The following NIPBL variants were observed in gnomAD, a reference collection of about 807,000 sequenced individuals.
NIPBL encodes the protein NIPBL cohesin loading factor, also known as nipped-B-like protein.
A neutral mutation model predicts 321.8 loss-of-function variants in NIPBL; 19 were observed. That is an observed-to-expected ratio of 0.06 (90% confidence interval 0.04 to 0.09). The LOEUF (loss-of-function observed/expected upper bound fraction) is 0.09. Among genes scored for constraint, NIPBL ranks in the 10% least tolerant of loss-of-function variants. The pLI is 1.00. For synonymous variants in NIPBL, 1,106 were observed against 1,114.1 expected (o/e 0.99, Z 0.14); for missense variants, 2,210 against 3,327.0 (o/e 0.66, Z 8.26).
At chr5:36,966,614 C>A (rs1742238132) in intron 6 of NIPBL, among the ~76,000 whole-genome samples, 1 of 151,982 alleles carries the variant, frequency 6.6e-6, no homozygotes, top group Non-Finnish European at 1.5e-5. Context: ...TCCCATTAAT[C>A]TTTTACTTAA....
At chr5:37,048,798 C>G in intron 39 of NIPBL, 123 bp downstream of exon 39, 1 of 831,200 alleles carries the variant, frequency 1.2e-6, no homozygotes, top group Middle Eastern at 3.6e-4. Context: ...AAATAGCAGT[C>G]CTTATGCTGA....
chr5:37,001,105 A>T, intron 14 of NIPBL, 27 bp downstream of exon 14: 2 of 1,423,620 alleles, frequency 1.4e-6, no homozygotes, highest in Non-Finnish European at 2.0e-6. Flanking sequence ...ATACATTTAC[A>T]CATACTCTAA....
At chr5:37,033,732 T>TATATATATCTATA (rs1751384242) in intron 32 of NIPBL, among the ~76,000 whole-genome samples, 1 of 76,932 alleles carries the variant, frequency 1.3e-5, no homozygotes, top group African/African-American at 6.5e-5. Flanking sequence ...ATATATATAT[T>TATATATATCTATA]TTTTTTTTTT....
chr5:37,000,784 C>G, intron 12 of NIPBL, 33 bp from the exon 13 acceptor site: 2 of 1,543,422 alleles, frequency 1.3e-6, no homozygotes, highest in Non-Finnish European at 1.8e-6. Flanking sequence ...GTTGTCAGTC[C>G]TGCATTTCAG....
intron 19 of NIPBL, among the ~76,000 whole-genome samples, 194 bp from the exon 20 acceptor site, chr5:37,008,429 T>C (rs1027426784): frequency 6.6e-6 from 1 of 152,146 alleles, no homozygotes; most frequent in African/African-American, 2.4e-5. Context: ...TTCATAGTCC[T>C]TTAAATGAAA....
rs911655497 is a variant in NIPBL at position 36,877,102 on chromosome 5, C to G, written c.-156C>G. The stretch of plus-strand genomic sequence containing the variant: ...GACGGAAGAGGAGCCGTAGCCACCC[C>G]CCCTCCCGGCCCGGATTATAGTCTC... On this transcript the variant is annotated 5_prime_UTR_variant, in exon 1 of 47. Coordinates refer to ENST00000282516, the MANE Select transcript of NIPBL (RefSeq NM_133433.4). 1.1e-5 allele frequency: 4 copies of G among 352,458 alleles called. No homozygotes were observed. Among genetic ancestry groups the G allele is most frequent in the South Asian group, 1.5e-4 (1 of 6,676 alleles). The allele number at this position is 352,458 out of a possible 1,614,324, so 21.8% of individuals were successfully genotyped here.
intron 6 of NIPBL, among the ~76,000 whole-genome samples, chr5:36,967,892 G>A (rs2149614905): frequency 6.6e-6 from 1 of 152,070 alleles, no homozygotes; most frequent in South Asian, 2.1e-4. Flanking sequence ...TTGAAGCTTA[G>A]GAACTCAAGA....
intron 1 of NIPBL, among the ~76,000 whole-genome samples, chr5:36,913,070 G>A (rs1457218514): frequency 1.3e-5 from 2 of 152,122 alleles, no homozygotes; most frequent in South Asian, 2.1e-4. Context: ...TAAAAGAGAC[G>A]TGATAACCAA....
chr5:37,017,805 C>T lies in NIPBL; in HGVS notation c.4920+643C>T, dbSNP rs115156710. ...GCTATAGTTCGTGTTTTGAAATAAT[C>T]TCAACCTTAGAGAAAAATTGTAGGA... is the stretch of plus-strand genomic sequence containing the variant. On this transcript the variant is annotated intron_variant, in intron 24 of 46. Coordinates refer to ENST00000282516, the MANE Select transcript of NIPBL (RefSeq NM_133433.4). 8.2e-3 allele frequency among the ~76,000 whole-genome samples: 1,240 copies of T among 151,892 alleles called. 12 individuals carry two copies. Among genetic ancestry groups the T allele is most frequent in the African/African-American group, 0.028 (1,178 of 41,434 alleles).
At chr5:36,882,561 C>T (rs943232076) in intron 1 of NIPBL, among the ~76,000 whole-genome samples, 2 of 151,898 alleles carry the variant, frequency 1.3e-5, no homozygotes, top group Non-Finnish European at 2.9e-5. Context: ...ATTTGAACCA[C>T]CCAACTACTC....
intron 40 of NIPBL, 61 bp downstream of exon 40, chr5:37,049,362 C>T: frequency 6.6e-7 from 1 of 1,523,788 alleles, no homozygotes; most frequent in Non-Finnish European, 9.1e-7. Context: ...TAATTTGATA[C>T]ATTGTGATTA....
rs1755299330 is a variant in NIPBL, at chr5:37,065,703, A to G, written c.*811A>G. 1.3e-5 allele frequency: 2 copies of G among 152,620 alleles called. No individual in the cohort carries two copies. The highest frequency in any genetic ancestry group is 2.9e-5 in the Non-Finnish European group (2 of 68,018). The allele number at this position is 152,620 out of a possible 1,614,324, so 9.5% of individuals were successfully genotyped here. On this transcript the variant is annotated 3_prime_UTR_variant, in exon 47 of 47. Coordinates refer to ENST00000282516, the MANE Select transcript of NIPBL (RefSeq NM_133433.4). ...TCATTCCCATAAGAGGGTGTAAACAATTAACTCCAGGGTTTTATTGTATCC... is the reference window on the plus strand; with the variant it reads ...TCATTCCCATAAGAGGGTGTAAACAGTTAACTCCAGGGTTTTATTGTATCC...
intron 42 of NIPBL, among the ~76,000 whole-genome samples, chr5:37,055,832 C>A (rs146484278): frequency 1.1e-3 from 174 of 151,886 alleles, no homozygotes; most frequent in African/African-American, 4.1e-3. Context: ...ATAGTGAGAC[C>A]CTATCTCTAC....
At chr5:36,951,114 T>A (rs1169156981) in intron 1 of NIPBL, among the ~76,000 whole-genome samples, 1 of 152,180 alleles carries the variant, frequency 6.6e-6, no homozygotes, top group African/African-American at 2.4e-5. Flanking sequence ...CTTTCCCCTT[T>A]ACTCCCAGTG....
chr5:36,877,598 C>G (rs1745188778), intron 1 of NIPBL, among the ~76,000 whole-genome samples: 1 of 152,204 alleles, frequency 6.6e-6, no homozygotes, highest in Admixed American at 6.5e-5. Flanking sequence ...CTGATCGTCC[C>G]CATATTTACA....
At chr5:36,930,445 G>A (rs566359919) in intron 1 of NIPBL, among the ~76,000 whole-genome samples, 73 of 151,972 alleles carry the variant, frequency 4.8e-4, no homozygotes, top group African/African-American at 1.7e-3. Flanking sequence ...CTAGTTGTTC[G>A]TTGGTGGTTT....
intron 1 of NIPBL, among the ~76,000 whole-genome samples, chr5:36,898,660 C>T (rs528029293): frequency 1.3e-4 from 20 of 152,044 alleles, no homozygotes; most frequent in African/African-American, 4.6e-4. Flanking sequence ...TACAGGCATG[C>T]GCCATCACGC....
rs776228768 is a variant in NIPBL at position 36,985,848 on chromosome 5, C to G, written c.2668C>G (p.Pro890Ala). The part of the protein sequence containing the change: ...RPSSGEQKSR[P>A]DSPRVKQGDS... The stretch of plus-strand genomic sequence containing the variant: ...ATCTTCTGGGGAACAAAAATCAAGA[C>G]CTGACAGTCCTCGTGTTAAACAAGG... The change falls in exon 10 of 47, where the codon CCT (proline) becomes GCT (alanine). Residue 890 changes from proline (P) to alanine (A), a missense_variant. Physicochemically the swap from Pro to Ala is conservative, Grantham distance 27. Around this residue, in one of 14 missense-constraint regions of NIPBL, gnomAD observed 588 missense variants for 564.1 expected, o/e 1.04. Coordinates refer to ENST00000282516, the MANE Select transcript of NIPBL (RefSeq NM_133433.4). 6.2e-7 allele frequency: 1 copy of G among 1,613,842 alleles called. No homozygotes were observed. Among genetic ancestry groups the G allele is most frequent in the Non-Finnish European group, 8.5e-7 (1 of 1,179,916 alleles).
chr5:37,043,206 C>G (rs558465443), intron 34 of NIPBL, among the ~76,000 whole-genome samples: 1 of 151,964 alleles, frequency 6.6e-6, no homozygotes, highest in Non-Finnish European at 1.5e-5. Context: ...AACCAGCCTG[C>G]GCAACATAGT....
Sources: gnomAD v4.1 joint callset for allele counts (sites outside exome capture counted in the v4.1 genomes callset) on GRCh38, gnomAD v4.1.1 for gene constraint, gnomAD v4.1.1 regional missense constraint, MANE v1.5 for transcripts, NCBI Gene and HGNC (gene_info 2026-07-23, HGNC 2026-07-21) for gene names.